Variants in ZDHHC14 observed in about 807,000 individuals in gnomAD.
The protein encoded by ZDHHC14 is zDHHC palmitoyltransferase 14.
In ZDHHC14, 16 loss-of-function variants were observed where a neutral mutation model predicts 47.7. The ratio of observed to expected loss-of-function variants is 0.34; its 90% CI spans 0.23 to 0.51. The LOEUF (loss-of-function observed/expected upper bound fraction) is 0.51. ZDHHC14 is among the 20% of genes least tolerant of loss of function. The pLI, the probability that ZDHHC14 is intolerant of heterozygous loss-of-function variation, is 0.97. For synonymous variants in ZDHHC14, 293 were observed against 278.9 expected, an observed-to-expected ratio of 1.05 and a Z score of -0.50; for missense variants, 515 against 662.5, an observed-to-expected ratio of 0.78 and a Z score of 2.44.
intron 2 of ZDHHC14, among the ~76,000 whole-genome samples, chr6:157,548,433 GTTGTTGT>G (rs1782076457): frequency 7.1e-6 from 1 of 140,654 alleles, no homozygotes; most frequent in Non-Finnish European, 1.5e-5. Context: ...TGTTGTTGTT[GTTGTTGT>G]TTGTTTGTTT....
intron 2 of ZDHHC14, among the ~76,000 whole-genome samples, chr6:157,553,105 T>C (rs564579343): frequency 1.2e-3 from 176 of 152,042 alleles, no homozygotes; most frequent in Middle Eastern, 3.4e-3. Flanking sequence ...TTGGGAGCAG[T>C]GGATGGAAGA....
At position 157,672,722 on chromosome 6, in the gene ZDHHC14, A is replaced by G; in HGVS notation, c.1069-2A>G. ...TCTTTGCTGGCGCCTCCCGCTCTCCAGTGCGACCAAGACCAGTGCATTCAG... is the reference window on the plus strand; with the variant it reads ...TCTTTGCTGGCGCCTCCCGCTCTCCGGTGCGACCAAGACCAGTGCATTCAG... On this transcript the variant is annotated splice_acceptor_variant, in intron 8 of 8. Transcript: ENST00000359775. LOFTEE classifies it high-confidence loss of function. 4 of 1,412,092 alleles carry G rather than the reference A, an allele frequency of 2.8e-6. No individual in the cohort carries two copies. Among genetic ancestry groups the G allele is most frequent in the Non-Finnish European group, 3.8e-6 (4 of 1,058,398 alleles). The allele number at this position is 1,412,092 out of a possible 1,614,324, so 87.5% of individuals were successfully genotyped here. A position where few individuals can be genotyped will look rare whatever the true frequency, so the allele number is the denominator to read the frequency against.
At chr6:157,658,860 G>A (rs1425488288) in intron 8 of ZDHHC14, among the ~76,000 whole-genome samples, 1 of 152,182 alleles carries the variant, frequency 6.6e-6, no homozygotes, top group African/African-American at 2.4e-5. Flanking sequence ...TTACTCTTCT[G>A]TCTCGAAAAG....
chr6:157,597,349 G>C (rs769104086), intron 3 of ZDHHC14, among the ~76,000 whole-genome samples: 5 of 152,186 alleles, frequency 3.3e-5, no homozygotes, highest in Non-Finnish European at 5.9e-5. Flanking sequence ...TTCTGATGGG[G>C]TAGGCCCTAT....
chr6:157,481,724 G>C (rs547305232), intron 1 of ZDHHC14, among the ~76,000 whole-genome samples: 1 of 152,310 alleles, frequency 6.6e-6, no homozygotes, highest in East Asian at 1.9e-4. Flanking sequence ...AGTTGGGAAT[G>C]AGTGAAGGGG....
chr6:157,422,697 C>T (rs758814441), intron 1 of ZDHHC14, among the ~76,000 whole-genome samples: 7 of 152,158 alleles, frequency 4.6e-5, no homozygotes, highest in Admixed American at 6.5e-5. Flanking sequence ...AGGACGGGCA[C>T]GGTAAGCCCT....
chr6:157,401,415 A>G (rs1322814559), intron 1 of ZDHHC14, among the ~76,000 whole-genome samples: 2 of 152,254 alleles, frequency 1.3e-5, no homozygotes, highest in Admixed American at 6.5e-5. Context: ...AACTGGTTAA[A>G]ATGCCCTCAT....
At chr6:157,475,069 A>G (rs1166456317) in intron 1 of ZDHHC14, among the ~76,000 whole-genome samples, 2 of 152,316 alleles carry the variant, frequency 1.3e-5, no homozygotes, top group Non-Finnish European at 2.9e-5. Context: ...TATATGGCAT[A>G]GATGAGAGTC....
At chr6:157,566,588 A>G (rs1011269562) in intron 2 of ZDHHC14, among the ~76,000 whole-genome samples, 1 of 152,162 alleles carries the variant, frequency 6.6e-6, no homozygotes, top group Non-Finnish European at 1.5e-5. Context: ...GTAGGTCCGA[A>G]TGACACTCTG....
intron 1 of ZDHHC14, among the ~76,000 whole-genome samples, chr6:157,401,936 G>A (rs1422156304): frequency 6.6e-6 from 1 of 150,720 alleles, no homozygotes; most frequent in African/African-American, 2.4e-5. Context: ...AGTGAGATGT[G>A]CACCTGCTGG....
chr6:157,664,653 C>G (rs1425837317), intron 8 of ZDHHC14, among the ~76,000 whole-genome samples: 1 of 152,228 alleles, frequency 6.6e-6, no homozygotes, highest in Non-Finnish European at 1.5e-5. Context: ...ATTCTTACTC[C>G]TAAGGCACAG....
At chr6:157,475,404 C>A (rs933630930) in intron 1 of ZDHHC14, among the ~76,000 whole-genome samples, 1 of 151,720 alleles carries the variant, frequency 6.6e-6, no homozygotes, top group Non-Finnish European at 1.5e-5. Flanking sequence ...TGAAAAATAT[C>A]ATTGTAATTT....
At chr6:157,570,750 T>G (rs1783063840) in intron 2 of ZDHHC14, among the ~76,000 whole-genome samples, 1 of 136,020 alleles carries the variant, frequency 7.4e-6, no homozygotes, top group Non-Finnish European at 1.5e-5. Flanking sequence ...TATATGTATA[T>G]ACATACACAC....
chr6:157,538,329 G>A (rs140510520), intron 1 of ZDHHC14, among the ~76,000 whole-genome samples: 1,851 of 152,268 alleles, frequency 0.012, 39 homozygotes, highest in African/African-American at 0.043. Flanking sequence ...AGGGAGCCTC[G>A]CAGAAGGAAC....
chr6:157,641,946 A>C (rs765024047), intron 5 of ZDHHC14, among the ~76,000 whole-genome samples: 2 of 152,150 alleles, frequency 1.3e-5, no homozygotes, highest in South Asian at 2.1e-4. Flanking sequence ...AGCAAGTCTC[A>C]AACTTTTTGG....
intron 1 of ZDHHC14, among the ~76,000 whole-genome samples, chr6:157,525,808 A>C (rs373879824): frequency 6.6e-6 from 1 of 152,266 alleles, no homozygotes; most frequent in Admixed American, 6.5e-5. Flanking sequence ...GATGCCTGCG[A>C]GGGGACAGGG....
intron 2 of ZDHHC14, among the ~76,000 whole-genome samples, chr6:157,560,073 C>A (rs997674673): frequency 6.6e-6 from 1 of 152,098 alleles, no homozygotes; most frequent in African/African-American, 2.4e-5. Context: ...TTACACTATA[C>A]CTTTCCACTC....
intron 1 of ZDHHC14, among the ~76,000 whole-genome samples, chr6:157,399,399 A>G (rs942449118): frequency 6.6e-6 from 1 of 152,218 alleles, no homozygotes; most frequent in East Asian, 1.9e-4. Context: ...GCCGTGGGAT[A>G]AGAAATAAAA....
intron 8 of ZDHHC14, among the ~76,000 whole-genome samples, chr6:157,664,694 G>A (rs535271376): frequency 4.6e-5 from 7 of 152,362 alleles, no homozygotes; most frequent in African/African-American, 1.7e-4. Context: ...TCCCGGGGAT[G>A]TGAACAATGT....
Sources: gnomAD v4.1 joint callset for allele counts (sites outside exome capture counted in the v4.1 genomes callset) on GRCh38, gnomAD v4.1.1 for gene constraint, MANE v1.5 for transcripts, NCBI Gene and HGNC (gene_info 2026-07-23, HGNC 2026-07-21) for gene names.